CLIP1: variants seen among roughly 807,000 people sequenced by gnomAD.
The protein encoded by CLIP1 is CAP-Gly domain-containing linker protein 1.
In CLIP1, 66 loss-of-function variants were observed where a neutral mutation model predicts 161.6. The observed-to-expected ratio is 0.41, with a 90% confidence interval of 0.33 to 0.50. The LOEUF (loss-of-function observed/expected upper bound fraction) is 0.50. Among genes scored for constraint, CLIP1 ranks in the 20% least tolerant of loss-of-function variants. CLIP1 has a pLI of 0.27. For missense variants in CLIP1, 1,376 were observed against 1,702.0 expected (o/e 0.81, Z 3.37); for synonymous variants, 598 against 626.2 (o/e 0.96, Z 0.67).
At chr12:122,357,144 A>AG (rs1268385431) in intron 5 of CLIP1, among the ~76,000 whole-genome samples, 2 of 150,618 alleles carry the variant, frequency 1.3e-5, no homozygotes, top group Non-Finnish European at 3.0e-5. Context: ...CATCTCATCT[A>AG]GAAGTGAGGA....
chr12:122,422,706 C>G (rs1036056524), upstream of CLIP1: 1 of 122,618 alleles, frequency 8.2e-6, no homozygotes, highest in Admixed American at 8.3e-5. Flanking sequence ...TCCCAGCGCT[C>G]CGCCGCCGCG....
At chr12:122,333,639 G>A (rs904386203) in intron 14 of CLIP1, among the ~76,000 whole-genome samples, 1 of 152,236 alleles carries the variant, frequency 6.6e-6, no homozygotes, top group Non-Finnish European at 1.5e-5. Flanking sequence ...TGACCTTGAG[G>A]AGAGGAGCGA....
In CLIP1 at chr12:122,292,148, C is replaced by T. The variant is rs185135422; in HGVS notation, c.3595-3607G>A. The stretch of plus-strand genomic sequence containing the variant: ...CTGGGATTACAGGCATGTGTCACCA[C>T]GCCAGGCTAATTTTTTGTATTTTTT... On this transcript the variant is annotated intron_variant, in intron 20 of 25. Coordinates refer to ENST00000620786, the MANE Select transcript of CLIP1 (RefSeq NM_001247997.2). Among the ~76,000 whole-genome samples, 153 of 151,844 alleles carry T rather than the reference C, an allele frequency of 1.0e-3. 1 individual carries two copies. The highest frequency in any genetic ancestry group is 3.4e-3 in the Middle Eastern group (1 of 294).
chr12:122,273,649 G>GTT (rs374581908), intron 25 of CLIP1, among the ~76,000 whole-genome samples: 25 of 151,272 alleles, frequency 1.7e-4, no homozygotes, highest in South Asian at 8.4e-4. Context: ...CAAAACATTT[G>GTT]TTTTTTTTTG....
chr12:122,399,657 G>C (rs1330312422), intron 1 of CLIP1: 1 of 152,174 alleles, frequency 6.6e-6, no homozygotes, highest in Non-Finnish European at 1.5e-5. Context: ...AGGAGAGGGA[G>C]TTTAACACCA....
At chr12:122,278,249 T>G in intron 23 of CLIP1, 46 bp from the exon 24 acceptor site, 77 of 1,408,856 alleles carry the variant, frequency 5.5e-5, no homozygotes, top group Non-Finnish European at 6.6e-5. Flanking sequence ...AGGGAGAATA[T>G]ATGTATATTT....
Position 122,311,176 on chromosome 12 carries a change from T to G in CLIP1, c.3474-1294A>C, listed in dbSNP as rs948934130. Among the ~76,000 whole-genome samples the G allele has an allele frequency of 1.3e-5, 2 of 152,128 alleles. No individual in the cohort carries two copies. Among genetic ancestry groups the G allele is most frequent in the African/African-American group, 4.8e-5 (2 of 41,396 alleles). On this transcript the variant is annotated intron_variant, in intron 19 of 25. Coordinates refer to ENST00000620786, the MANE Select transcript of CLIP1 (RefSeq NM_001247997.2). The surrounding 1 kb of genome is among the most constrained non-coding windows in gnomAD (Gnocchi z 4.3). ...TTCATCTGTCCAAAGTCCATCAATC[T>G]TTGACAAATCAAATTTCCTTATGGT...
chr12:122,299,283 C>G (rs1057137051), intron 20 of CLIP1, among the ~76,000 whole-genome samples: 1 of 152,018 alleles, frequency 6.6e-6, no homozygotes, highest in Non-Finnish European at 1.5e-5. Flanking sequence ...TGGCTTTCTA[C>G]AAAACCCCTC....
chr12:122,331,047 T>A (rs1382007319), intron 15 of CLIP1, among the ~76,000 whole-genome samples: 1 of 150,726 alleles, frequency 6.6e-6, no homozygotes, highest in Non-Finnish European at 1.5e-5. Context: ...GGAGTTTCAC[T>A]CTTGTTGCCC....
At chr12:122,309,602 AC>A (rs1950993649) in intron 20 of CLIP1, among the ~76,000 whole-genome samples, 159 bp downstream of exon 20, 1 of 152,140 alleles carries the variant, frequency 6.6e-6, no homozygotes, top group Non-Finnish European at 1.5e-5. Context: ...CTACAGCAGC[AC>A]GTTTGAAAAC....
chr12:122,333,529 A>T (rs1301829790), intron 14 of CLIP1, among the ~76,000 whole-genome samples: 1 of 152,186 alleles, frequency 6.6e-6, no homozygotes, highest in Non-Finnish European at 1.5e-5. Flanking sequence ...GTTGGAGTGG[A>T]ATGAACAGGG....
intron 17 of CLIP1, among the ~76,000 whole-genome samples, chr12:122,326,995 G>T (rs1353840850): frequency 2.6e-5 from 4 of 152,086 alleles, no homozygotes; most frequent in Non-Finnish European, 4.4e-5. Flanking sequence ...TCATGAGATT[G>T]GTTTCAAGTC....
chr12:122,395,517 G>A (rs556373461), intron 1 of CLIP1: 1 of 152,224 alleles, frequency 6.6e-6, no homozygotes, highest in South Asian at 2.1e-4. Context: ...CATGTTAGTC[G>A]CCCTCTGGGC....
intron 1 of CLIP1, among the ~76,000 whole-genome samples, chr12:122,384,480 G>A (rs1238620681): frequency 6.6e-6 from 1 of 152,108 alleles, no homozygotes; most frequent in Admixed American, 6.6e-5. Flanking sequence ...GGCACTCGAA[G>A]GCCGGGCGCA....
At chr12:122,292,139 G>C (rs1950271967) in intron 20 of CLIP1, among the ~76,000 whole-genome samples, 1 of 151,370 alleles carries the variant, frequency 6.6e-6, no homozygotes, top group Non-Finnish European at 1.5e-5. Context: ...TTACAGGCAT[G>C]TGTCACCACG....
Position 122,294,098 on chromosome 12 carries a change from G to A in CLIP1, c.3595-5557C>T, listed in dbSNP as rs1348714977. On this transcript the variant is annotated intron_variant, in intron 20 of 25. Transcript: ENST00000620786. ...AATCCCAGCACTTTGGGAGGCCGAG[G>A]CGGGCGGATCACAAGGTCAGGAGAT... Among the ~76,000 whole-genome samples the A allele has an allele frequency of 2.6e-5, 4 of 151,616 alleles. No homozygotes were observed. In the East Asian group the frequency reaches 7.8e-4, roughly 30 times the overall value.
intron 1 of CLIP1, among the ~76,000 whole-genome samples, chr12:122,403,792 A>T (rs1956224424): frequency 1.3e-5 from 2 of 151,928 alleles, no homozygotes; most frequent in Admixed American, 1.3e-4. Flanking sequence ...AAGTGTTGGG[A>T]TTACCACATG....
intron 20 of CLIP1, among the ~76,000 whole-genome samples, chr12:122,306,997 A>ATTTTTTT (rs1950897028): frequency 9.8e-6 from 1 of 101,680 alleles, no homozygotes. Context: ...TGGTAAGTTC[A>ATTTTTTT]CTTTTTTTTT....
chr12:122,391,031 G>C (rs922015782), intron 1 of CLIP1, among the ~76,000 whole-genome samples: 2 of 152,072 alleles, frequency 1.3e-5, no homozygotes, highest in African/African-American at 2.4e-5. Flanking sequence ...GCTCACACTT[G>C]TAATCCCAAC....
Sources: allele counts gnomAD v4.1 joint callset (sites outside exome capture counted in the v4.1 genomes callset), GRCh38; gene constraint gnomAD v4.1.1; non-coding constraint Gnocchi (gnomAD v3.1); transcripts MANE v1.5; gene names NCBI Gene and HGNC (gene_info 2026-07-23, HGNC 2026-07-21).